The following UNC79 variants were observed in gnomAD, a reference collection of about 807,000 sequenced individuals.
The protein encoded by UNC79 is protein unc-79 homolog.
In UNC79, 37 loss-of-function variants were observed where a neutral mutation model predicts 283.1. The ratio of observed to expected loss-of-function variants is 0.13; its 90% CI spans 0.10 to 0.17. UNC79 has a LOEUF of 0.17. Ranked by LOEUF, UNC79 falls within the 10% of genes least tolerant of loss-of-function variation. The pLI is 1.00. For missense variants in UNC79, 2,272 were observed against 3,211.1 expected (o/e 0.71, Z 7.07); for synonymous variants, 1,107 against 1,200.2 (o/e 0.92, Z 1.61).
Position 93,474,826 on chromosome 14 carries a change from A to AT in UNC79, c.448+439dup, listed in dbSNP as rs1451203017. 6.6e-6 allele frequency among the ~76,000 whole-genome samples: 1 copy of AT among 152,154 alleles called. No individual in the cohort carries two copies. The highest frequency in any genetic ancestry group is 2.4e-5 in the African/African-American group (1 of 41,440). On this transcript the variant is annotated intron_variant, in intron 3 of 48. Coordinates refer to ENST00000555664, the Ensembl canonical transcript of UNC79. This position sits in a 1 kb window ranked among gnomAD's most constrained non-coding sequence, Gnocchi z 4.1. ...TGAGGGAGCAAATTCTCTAGGACCC[A>AT]TTTTTTCCTGTCTCTTTAATAAAGT...
chr14:93,681,203 T>A (rs1343512010), intron 41 of UNC79, among the ~76,000 whole-genome samples: 2 of 152,180 alleles, frequency 1.3e-5, no homozygotes, highest in African/African-American at 4.8e-5. Context: ...TGTGGAGATC[T>A]GTGTCCACTC....
chr14:93,437,012 G>A (rs932666226), intron 1 of UNC79, among the ~76,000 whole-genome samples: 1 of 151,846 alleles, frequency 6.6e-6, no homozygotes, highest in Non-Finnish European at 1.5e-5. Flanking sequence ...CAGGAACTTG[G>A]TCTTCCAATA....
intron 40 of UNC79, among the ~76,000 whole-genome samples, chr14:93,672,201 G>T (rs574785410): frequency 5.3e-5 from 8 of 152,264 alleles, no homozygotes; most frequent in Middle Eastern, 3.4e-3. Flanking sequence ...CAAATGAAAA[G>T]AAATCAGTAT....
intron 39 of UNC79, among the ~76,000 whole-genome samples, chr14:93,660,875 C>T (rs2071533877): frequency 6.6e-6 from 1 of 152,112 alleles, no homozygotes; most frequent in Non-Finnish European, 1.5e-5. Flanking sequence ...CAGGCATGTC[C>T]CACTGCGCCC....
intron 7 of UNC79, among the ~76,000 whole-genome samples, chr14:93,517,972 C>T (rs1336913709): frequency 2.6e-5 from 4 of 151,406 alleles, no homozygotes; most frequent in Non-Finnish European, 5.9e-5. Flanking sequence ...GGGATGAACT[C>T]ATCTTGTCAT....
At chr14:93,562,331 G>A (rs1340709528) in intron 14 of UNC79, among the ~76,000 whole-genome samples, 1 of 152,176 alleles carries the variant, frequency 6.6e-6, no homozygotes, top group Admixed American at 6.5e-5. Context: ...GAGAAGATTA[G>A]CAGCCTGGCA....
intron 22 of UNC79, among the ~76,000 whole-genome samples, chr14:93,591,491 A>G (rs114196020): frequency 0.017 from 2,629 of 152,366 alleles, 76 homozygotes; most frequent in African/African-American, 0.06. Context: ...TATTCTTACA[A>G]TAAAGTAAGC....
Position 93,532,264 on chromosome 14 carries a change from G to C in UNC79, c.1094-286G>C, listed in dbSNP as rs181701093. 4.7e-3 allele frequency among the ~76,000 whole-genome samples: 631 copies of C among 134,390 alleles called. 4 individuals carry two copies. The highest frequency in any genetic ancestry group is 0.017 in the African/African-American group (598 of 35,688). The allele number at this position is 134,390 out of a possible 152,430, so 88.2% of individuals were successfully genotyped here. A position where few individuals can be genotyped will look rare whatever the true frequency, so the allele number is the denominator to read the frequency against. On this transcript the variant is annotated intron_variant, in intron 10 of 48. Coordinates refer to ENST00000555664, the Ensembl canonical transcript of UNC79. ...GGAGGGTTGCTTGTGGCCAGGAGTT[G>C]AAGAACAGCCTGAGAAACATAGTAA... is the stretch of plus-strand genomic sequence containing the variant.
Position 93,690,403 on chromosome 14 carries a change from C to G in UNC79, c.7272+100C>G, listed in dbSNP as rs1447920689. 1 of 1,355,678 alleles carries G rather than the reference C, an allele frequency of 7.4e-7. No individual in the cohort carries two copies. Among genetic ancestry groups the G allele is most frequent in the Non-Finnish European group, 1.0e-6 (1 of 997,466 alleles). 84.0% of individuals were successfully genotyped at this position (1,355,678 alleles called of 1,614,324 possible). A position where few individuals can be genotyped will look rare whatever the true frequency, so the allele number is the denominator to read the frequency against. ...CTTCTGAGAAGAAAATACATCTTAT[C>G]ATTTGCCCTCCTGTGGATGTTAGAA... On this transcript the variant is annotated intron_variant, in intron 45 of 48. Transcript: ENST00000555664. The surrounding 1 kb of genome is among the most constrained non-coding windows in gnomAD (Gnocchi z 4.3).
In UNC79 at chr14:93,479,261, C is replaced by G. The variant is rs190526958; in HGVS notation, c.619+1533C>G. ...CCTTCCTCCTTCCCTCCCTTTCTCC[C>G]TCCCTCCATTCTTCCCTTCCTCCCT... On this transcript the variant is annotated intron_variant, in intron 4 of 48. Coordinates refer to ENST00000555664, the Ensembl canonical transcript of UNC79. Among the ~76,000 whole-genome samples, 224 of 149,300 alleles carry G rather than the reference C, an allele frequency of 1.5e-3. 1 individual carries two copies. The highest frequency in any genetic ancestry group is 2.4e-3 in the Non-Finnish European group (163 of 67,380).
intron 26 of UNC79, among the ~76,000 whole-genome samples, chr14:93,608,870 T>C (rs2066085539): frequency 6.6e-6 from 1 of 152,238 alleles, no homozygotes; most frequent in South Asian, 2.1e-4. Flanking sequence ...TTATGTATAA[T>C]AAGTATCTAC....
chr14:93,671,076 G>A (rs2072800795), intron 40 of UNC79, among the ~76,000 whole-genome samples: 1 of 152,160 alleles, frequency 6.6e-6, no homozygotes, highest in South Asian at 2.1e-4. Flanking sequence ...TAATTTTGGT[G>A]TATTCATACA....
At chr14:93,660,563 A>ATATATGTG (rs1203621990) in intron 39 of UNC79, among the ~76,000 whole-genome samples, 42 of 64,756 alleles carry the variant, frequency 6.5e-4, no homozygotes, top group African/African-American at 1.5e-3. Flanking sequence ...ATATATATAT[A>ATATATGTG]TGTGTGTGTG....
chr14:93,502,884 G>A (rs2059363645), intron 7 of UNC79, among the ~76,000 whole-genome samples: 2 of 152,202 alleles, frequency 1.3e-5, no homozygotes, highest in African/African-American at 4.8e-5. Context: ...GGATTTTTGA[G>A]ATGTATACAA....
intron 30 of UNC79, among the ~76,000 whole-genome samples, chr14:93,625,345 C>CTTGCAGCAATGCTCTAGT (rs2067484935): frequency 1.3e-5 from 2 of 152,236 alleles, no homozygotes; most frequent in African/African-American, 4.8e-5. Flanking sequence ...TGCATCATCA[C>CTTGCAGCAATGCTCTAGT]GAACCCTGGC....
intron 1 of UNC79, among the ~76,000 whole-genome samples, chr14:93,356,393 C>T (rs1191564750): frequency 2.0e-5 from 3 of 152,186 alleles, no homozygotes; most frequent in African/African-American, 7.2e-5. Flanking sequence ...GTGGGTTCAC[C>T]CAATCACCTG....
chr14:93,431,873 G>A (rs74072877), intron 1 of UNC79, among the ~76,000 whole-genome samples: 10,233 of 152,192 alleles, frequency 0.067, 1,204 homozygotes, highest in African/African-American at 0.23. Context: ...GTAGGCCTTC[G>A]GTGTGTGCTT....
intron 40 of UNC79, among the ~76,000 whole-genome samples, chr14:93,670,759 C>T (rs998420151): frequency 2.0e-5 from 3 of 152,242 alleles, no homozygotes; most frequent in African/African-American, 7.2e-5. Flanking sequence ...AGCCCCAACT[C>T]TCTAATTGTG....
intron 18 of UNC79, among the ~76,000 whole-genome samples, chr14:93,578,368 G>T (rs1238177083): frequency 6.6e-6 from 1 of 152,098 alleles, no homozygotes; most frequent in Non-Finnish European, 1.5e-5. Context: ...GAAGGGCAAG[G>T]TACAACTCTA....
Sources: gnomAD v4.1 joint callset for allele counts (sites outside exome capture counted in the v4.1 genomes callset) on GRCh38, gnomAD v4.1.1 for gene constraint, Gnocchi (gnomAD v3.1) non-coding constraint, MANE v1.5 for transcripts, NCBI Gene and HGNC (gene_info 2026-07-23, HGNC 2026-07-21) for gene names.